The following KIZ variants were observed in gnomAD, a reference collection of about 807,000 sequenced individuals.
KIZ encodes kizuna centrosomal protein.
Under a neutral mutation model 79.6 loss-of-function variants are expected in KIZ, and 68 were observed. The ratio of observed to expected loss-of-function variants is 0.85; its 90% CI spans 0.70 to 1.05. The LOEUF (loss-of-function observed/expected upper bound fraction) is 1.05. KIZ is among the 50% of genes least tolerant of loss of function. The pLI, the probability that KIZ is intolerant of heterozygous loss-of-function variation, is 0.00. For missense variants in KIZ, 797 were observed against 800.4 expected (o/e 1.00, Z 0.05); for synonymous variants, 280 against 281.8 (o/e 0.99, Z 0.06).
chr20:21,236,856 C>T (rs1189372938), intron 11 of KIZ, among the ~76,000 whole-genome samples: 1 of 151,514 alleles, frequency 6.6e-6, no homozygotes, highest in Non-Finnish European at 1.5e-5. Context: ...AAAAATTAGC[C>T]AGGTGTGGTG....
chr20:21,174,386 G>A (rs1282283776), intron 6 of KIZ, among the ~76,000 whole-genome samples: 2 of 152,146 alleles, frequency 1.3e-5, no homozygotes, highest in African/African-American at 4.8e-5. Flanking sequence ...TCTGTGACCA[G>A]AGTTAACTGG....
At chr20:21,198,407 A>G (rs977883815) in intron 6 of KIZ, 1 of 152,222 alleles carries the variant, frequency 6.6e-6, no homozygotes, top group Non-Finnish European at 1.5e-5. Flanking sequence ...CTAGCAGAGA[A>G]TAGATTATTA....
chr20:21,157,949 C>T (rs2033463398), intron 4 of KIZ, among the ~76,000 whole-genome samples: 1 of 152,124 alleles, frequency 6.6e-6, no homozygotes, highest in Admixed American at 6.5e-5. Flanking sequence ...CACTGATTTG[C>T]TTCATGTCTC....
chr20:21,166,424 G>T, intron 6 of KIZ: 1 of 1,593,416 alleles, frequency 6.3e-7, no homozygotes, highest in Non-Finnish European at 8.6e-7. Flanking sequence ...CAATTTCCCA[G>T]CTCTGTGGTC....
chr20:21,128,051 C>T (rs955025239), intron 1 of KIZ, among the ~76,000 whole-genome samples: 24 of 152,188 alleles, frequency 1.6e-4, no homozygotes, highest in Non-Finnish European at 2.9e-4. Flanking sequence ...CTCACTCTGT[C>T]ACCCAGGCTG....
At chr20:21,143,626 C>T (rs2032693217) in intron 3 of KIZ, among the ~76,000 whole-genome samples, 1 of 152,182 alleles carries the variant, frequency 6.6e-6, no homozygotes, top group Non-Finnish European at 1.5e-5. Flanking sequence ...CAAGCCAGTG[C>T]TGTGAAGCAA....
chr20:21,173,222 T>C (rs879613488), intron 6 of KIZ, among the ~76,000 whole-genome samples: 8 of 152,118 alleles, frequency 5.3e-5, no homozygotes, highest in Non-Finnish European at 7.3e-5. Flanking sequence ...TGCTTTGGAC[T>C]GTGGTGGCAG....
intron 12 of KIZ, chr20:21,244,560 A>G: frequency 4.2e-6 from 2 of 477,106 alleles, no homozygotes; most frequent in Non-Finnish European, 3.7e-6. Context: ...ATGTCTAATT[A>G]ATTATCAGCA....
intron 9 of KIZ, among the ~76,000 whole-genome samples, chr20:21,217,427 CAG>C (rs2123325387): frequency 6.6e-6 from 1 of 152,300 alleles, no homozygotes; most frequent in Non-Finnish European, 1.5e-5. Context: ...TAATTTAAGA[CAG>C]AGTCTGTCTG....
intron 6 of KIZ, among the ~76,000 whole-genome samples, chr20:21,181,683 T>G (rs1201645491): frequency 6.6e-6 from 1 of 152,216 alleles, no homozygotes; most frequent in African/African-American, 2.4e-5. Flanking sequence ...GGTCTTGAAC[T>G]TCTGACCTCA....
intron 6 of KIZ, chr20:21,198,049 T>G (rs1481031073): frequency 3.3e-5 from 5 of 152,170 alleles, no homozygotes; most frequent in Admixed American, 3.3e-4. Flanking sequence ...GCAATCCTCT[T>G]ATTAATTTTT....
chr20:21,136,276 G>T (rs774291831), intron 2 of KIZ, 114 bp from the exon 3 acceptor site: 5 of 648,470 alleles, frequency 7.7e-6, no homozygotes, highest in Non-Finnish European at 1.3e-5. Context: ...TCGGTGGTTT[G>T]GGTAAAATAC....
intron 11 of KIZ, among the ~76,000 whole-genome samples, chr20:21,243,068 CTT>C (rs2037273624): frequency 6.6e-6 from 1 of 152,084 alleles, no homozygotes; most frequent in African/African-American, 2.4e-5. Flanking sequence ...GTGTGTGTCA[CTT>C]TCTGTAAAAT....
intron 6 of KIZ, among the ~76,000 whole-genome samples, chr20:21,192,541 A>G (rs1011057375): frequency 6.6e-6 from 1 of 152,206 alleles, no homozygotes; most frequent in African/African-American, 2.4e-5. Context: ...CACTAAAAAT[A>G]TAGTGACAAC....
intron 2 of KIZ, among the ~76,000 whole-genome samples, chr20:21,133,378 T>C (rs1340187545): frequency 6.6e-6 from 1 of 152,120 alleles, no homozygotes; most frequent in Non-Finnish European, 1.5e-5. Flanking sequence ...GCCTCAAGAG[T>C]GGGCCCAAGT....
intron 6 of KIZ, among the ~76,000 whole-genome samples, chr20:21,179,721 T>C (rs887132217): frequency 6.6e-6 from 1 of 152,180 alleles, no homozygotes; most frequent in Admixed American, 6.5e-5. Flanking sequence ...ACTTCTCTCT[T>C]ATACTGGTCT....
intron 6 of KIZ, among the ~76,000 whole-genome samples, chr20:21,182,592 T>TC (rs1470558511): frequency 1.3e-5 from 2 of 152,000 alleles, no homozygotes; most frequent in African/African-American, 2.4e-5. Flanking sequence ...GTTCAGGAGT[T>TC]CAAGACCAAC....
intron 6 of KIZ, chr20:21,166,737 C>T (rs568809944): frequency 6.7e-5 from 41 of 607,906 alleles, no homozygotes; most frequent in Non-Finnish European, 1.0e-4. Flanking sequence ...GGATTACAAG[C>T]GTGAGCCACC....
In KIZ at chr20:21,161,388, G is replaced by A. The variant is rs542125400; in HGVS notation, c.406-483G>A. Among the ~76,000 whole-genome samples the A allele has an allele frequency of 1.5e-4, 23 of 152,280 alleles. No individual in the cohort carries two copies. In the East Asian group the frequency reaches 4.4e-3, roughly 29 times the overall value. Reference sequence around the variant, plus strand: ...GATGGAGTCTCCAGGCTGGAGTGCAGTGGCATGATCTCGGCTGACTGCAGC... The same window carrying A: ...GATGGAGTCTCCAGGCTGGAGTGCAATGGCATGATCTCGGCTGACTGCAGC... On this transcript the variant is annotated intron_variant, in intron 4 of 12. Coordinates refer to ENST00000619189, the MANE Select transcript of KIZ (RefSeq NM_018474.6).
Sources: gnomAD v4.1 joint callset for allele counts (sites outside exome capture counted in the v4.1 genomes callset) on GRCh38, gnomAD v4.1.1 for gene constraint, MANE v1.5 for transcripts, NCBI Gene and HGNC (gene_info 2026-07-23, HGNC 2026-07-21) for gene names.